CPEB3: variants seen among roughly 807,000 people sequenced by gnomAD.
The protein encoded by CPEB3 is cytoplasmic polyadenylation element-binding protein 3.
A neutral mutation model predicts 67.2 loss-of-function variants in CPEB3; 20 were observed. The ratio of observed to expected loss-of-function variants is 0.30; its 90% confidence interval spans 0.21 to 0.43. The LOEUF (loss-of-function observed/expected upper bound fraction) is 0.43, where lower values mean the gene tolerates loss of function less well. Ranked by LOEUF, CPEB3 falls within the 20% of genes least tolerant of loss-of-function variation. CPEB3 has a pLI of 1.00. For synonymous variants in CPEB3, 376 were observed against 393.1 expected (o/e 0.96, Z 0.51); for missense variants, 746 against 968.6 (o/e 0.77, Z 3.05).
chr10:92,060,215 C>T (rs1408850839), intron 9 of CPEB3, among the ~76,000 whole-genome samples: 1 of 151,478 alleles, frequency 6.6e-6, no homozygotes, highest in Non-Finnish European at 1.5e-5. Flanking sequence ...AAAAATTAGC[C>T]AGGTGTGGTG....
intron 3 of CPEB3, among the ~76,000 whole-genome samples, chr10:92,187,733 C>G (rs188069307): frequency 6.6e-6 from 1 of 152,236 alleles, no homozygotes; most frequent in East Asian, 1.9e-4. Context: ...AGGGATGAAT[C>G]TTTTTCGTTA....
intron 7 of CPEB3, among the ~76,000 whole-genome samples, chr10:92,095,436 T>C (rs1285744284): frequency 2.6e-5 from 4 of 152,024 alleles, no homozygotes; most frequent in African/African-American, 4.8e-5. Context: ...ACTATCTGTA[T>C]GAAAAGTTGC....
chr10:92,052,869 T>C (rs73314324), intron 9 of CPEB3, among the ~76,000 whole-genome samples: 6,481 of 152,172 alleles, frequency 0.043, 457 homozygotes, highest in African/African-American at 0.15. Context: ...AAGAAGAACA[T>C]TGCAGGGAGA....
At chr10:92,168,884 C>T (rs1346050997) in intron 4 of CPEB3, among the ~76,000 whole-genome samples, 1 of 150,728 alleles carries the variant, frequency 6.6e-6, no homozygotes, top group East Asian at 1.9e-4. Context: ...CAACCTCTGC[C>T]TCCCAGGTTC....
At chr10:92,252,198 C>T (rs1341914086) in intron 1 of CPEB3, among the ~76,000 whole-genome samples, 4 of 151,966 alleles carry the variant, frequency 2.6e-5, no homozygotes, top group Non-Finnish European at 5.9e-5. Flanking sequence ...CTCTACCTCA[C>T]TAATCAACAG....
intron 1 of CPEB3, among the ~76,000 whole-genome samples, chr10:92,251,557 G>A (rs543745687): frequency 1.8e-4 from 27 of 152,114 alleles, no homozygotes; most frequent in Non-Finnish European, 2.6e-4. Context: ...ATGAAAAGAC[G>A]AAGCAGTAAT....
rs574912583 is a variant in CPEB3 at position 92,099,442 on chromosome 10, G to A, written c.1573-7498C>T. On this transcript the variant is annotated intron_variant, in intron 7 of 9. Coordinates refer to ENST00000265997, the MANE Select transcript of CPEB3 (RefSeq NM_014912.5). ...GCTAGGATTATAGGCATGAGCCACCGTGCCTGACCTCTACTATGCATTATT... is the reference window on the plus strand; with the variant it reads ...GCTAGGATTATAGGCATGAGCCACCATGCCTGACCTCTACTATGCATTATT... 5.3e-5 allele frequency among the ~76,000 whole-genome samples: 8 copies of A among 152,054 alleles called. No homozygotes were observed. The South Asian group carries it at 1.2e-3, about 24-fold the overall frequency.
chr10:92,053,333 A>G (rs1288039859), intron 9 of CPEB3, among the ~76,000 whole-genome samples: 1 of 151,530 alleles, frequency 6.6e-6, no homozygotes, highest in African/African-American at 2.4e-5. Context: ...AAAACTTTAG[A>G]AAAGAAACAT....
chr10:92,231,165 A>G (rs1289200577), intron 2 of CPEB3, among the ~76,000 whole-genome samples: 1 of 152,176 alleles, frequency 6.6e-6, no homozygotes, highest in Non-Finnish European at 1.5e-5. Context: ...ACATGTCTAT[A>G]TATACTCCCT....
At chr10:92,261,852 A>G (rs1224950092) in intron 1 of CPEB3, among the ~76,000 whole-genome samples, 1 of 152,214 alleles carries the variant, frequency 6.6e-6, no homozygotes, top group Non-Finnish European at 1.5e-5. Flanking sequence ...AGGCTCAGAT[A>G]TGTTACAAGA....
rs149287424 is a variant in CPEB3, at chr10:92,275,761, T to C, written c.-12+15165A>G. On this transcript the variant is annotated intron_variant, in intron 1 of 9. Transcript: ENST00000265997. Reference sequence around the variant, plus strand: ...TGCCTAGGAATTATAGAATATGTGATATTTTGTGACCAGCTCCTGTCACAT... The same window carrying C: ...TGCCTAGGAATTATAGAATATGTGACATTTTGTGACCAGCTCCTGTCACAT... Among the ~76,000 whole-genome samples, 1,482 of 152,198 alleles carry C rather than the reference T, an allele frequency of 9.7e-3. 23 individuals carry two copies. Among genetic ancestry groups the C allele is most frequent in the African/African-American group, 0.033 (1,386 of 41,522 alleles).
intron 6 of CPEB3, chr10:92,118,718 C>T (rs1845167434): frequency 1.5e-5 from 11 of 736,658 alleles, no homozygotes; most frequent in South Asian, 1.4e-4. Context: ...TAGCCCTCAG[C>T]TCTGTATCAG....
At chr10:92,264,155 CCT>C (rs1253114812) in intron 1 of CPEB3, among the ~76,000 whole-genome samples, 1 of 151,724 alleles carries the variant, frequency 6.6e-6, no homozygotes, top group Admixed American at 6.6e-5. Context: ...ATGGTAAAAC[CCT>C]GTCTCTACAA....
chr10:92,230,884 T>C (rs1314745568), intron 2 of CPEB3, among the ~76,000 whole-genome samples: 1 of 152,180 alleles, frequency 6.6e-6, no homozygotes, highest in African/African-American at 2.4e-5. Flanking sequence ...GGCTCCATCC[T>C]GAATTCTAAC....
chr10:92,202,186 A>C (rs1237362747), intron 2 of CPEB3, among the ~76,000 whole-genome samples: 1 of 152,178 alleles, frequency 6.6e-6, no homozygotes, highest in African/African-American at 2.4e-5. Flanking sequence ...TGGCACAGCC[A>C]CTTTGGAAAA....
intron 3 of CPEB3, among the ~76,000 whole-genome samples, chr10:92,191,238 T>C (rs1848967291): frequency 6.6e-6 from 1 of 151,678 alleles, no homozygotes; most frequent in Non-Finnish European, 1.5e-5. Flanking sequence ...CCCATCTCTA[T>C]TAAAAATACA....
intron 2 of CPEB3, among the ~76,000 whole-genome samples, chr10:92,195,350 C>T (rs1219980673): frequency 1.3e-5 from 2 of 152,236 alleles, no homozygotes; most frequent in African/African-American, 4.8e-5. Context: ...GGTCTCTATA[C>T]AATCTAAGAA....
At chr10:92,210,813 G>A (rs545902715) in intron 2 of CPEB3, among the ~76,000 whole-genome samples, 2 of 151,712 alleles carry the variant, frequency 1.3e-5, no homozygotes, top group African/African-American at 2.4e-5. Context: ...CAAGGCGGGC[G>A]GATTACTTGA....
At chr10:92,156,507 A>G (rs1321515433) in intron 4 of CPEB3, among the ~76,000 whole-genome samples, 1 of 152,186 alleles carries the variant, frequency 6.6e-6, no homozygotes, top group Non-Finnish European at 1.5e-5. Flanking sequence ...GAAAATCTTG[A>G]CAAGATCTGG....
Sources: gnomAD v4.1 joint callset for allele counts (sites outside exome capture counted in the v4.1 genomes callset) on GRCh38, gnomAD v4.1.1 for gene constraint, MANE v1.5 for transcripts, NCBI Gene and HGNC (gene_info 2026-07-23, HGNC 2026-07-21) for gene names.